ARMH4: variants seen among roughly 807,000 people sequenced by gnomAD.
The protein encoded by ARMH4 is armadillo-like helical domain-containing protein 4.
A neutral mutation model predicts 61.9 loss-of-function variants in ARMH4; 49 were observed. The observed-to-expected ratio is 0.79, with a 90% confidence interval of 0.63 to 1.00. The LOEUF (loss-of-function observed/expected upper bound fraction) is 1.00. Ranked by LOEUF, ARMH4 falls within the 50% of genes least tolerant of loss-of-function variation. ARMH4 has a pLI of 0.00. For missense variants in ARMH4, 934 were observed against 930.0 expected (o/e 1.00, Z -0.06); for synonymous variants, 368 against 341.5 (o/e 1.08, Z -0.85).
intron 5 of ARMH4, among the ~76,000 whole-genome samples, chr14:58,041,960 C>G (rs1053568899): frequency 1.3e-5 from 2 of 151,938 alleles, no homozygotes; most frequent in Non-Finnish European, 2.9e-5. Flanking sequence ...TCCTTAGAGA[C>G]CTACAAAGAG....
At chr14:58,139,873 T>C (rs1279120134) in intron 1 of ARMH4, among the ~76,000 whole-genome samples, 1 of 152,214 alleles carries the variant, frequency 6.6e-6, no homozygotes, top group African/African-American at 2.4e-5. Context: ...ATTCATGTGT[T>C]GAAACCTAAT....
chr14:58,025,722 G>A (rs1169456341), intron 5 of ARMH4, among the ~76,000 whole-genome samples: 1 of 152,096 alleles, frequency 6.6e-6, no homozygotes, highest in African/African-American at 2.4e-5. Context: ...AGAATCTTGA[G>A]TTTTTCTAGC....
chr14:58,035,885 C>T (rs1223823955), intron 5 of ARMH4, among the ~76,000 whole-genome samples: 10 of 141,128 alleles, frequency 7.1e-5, no homozygotes, highest in African/African-American at 2.6e-4. Flanking sequence ...CAATAACGGG[C>T]TCTGAAATTG....
intron 5 of ARMH4, among the ~76,000 whole-genome samples, chr14:58,052,139 G>A (rs1256079997): frequency 1.3e-5 from 2 of 151,990 alleles, no homozygotes; most frequent in African/African-American, 2.4e-5. Flanking sequence ...TCCCTCCTTC[G>A]GATTCACTTA....
At chr14:58,012,875 T>C (rs564557623) in intron 5 of ARMH4, among the ~76,000 whole-genome samples, 16 of 152,360 alleles carry the variant, frequency 1.1e-4, no homozygotes, top group South Asian at 4.1e-4. Context: ...GAAGCATCAA[T>C]TTCATTTTTG....
In ARMH4 at chr14:58,004,504, C is replaced by T. The variant is rs545492091; in HGVS notation, c.*232G>A. The stretch of plus-strand genomic sequence containing the variant: ...TTGCATATTTATGAGTTGTAGCCCA[C>T]GGTTGTGGAAAATTCACTACAGAAT... On this transcript the variant is annotated 3_prime_UTR_variant, in exon 8 of 8. Coordinates refer to ENST00000267485, the MANE Select transcript of ARMH4 (RefSeq NM_001001872.4). 105 of 384,714 alleles carry T rather than the reference C, an allele frequency of 2.7e-4. No homozygotes were observed. The East Asian group carries it at 3.2e-3, about 12-fold the overall frequency. 23.8% of individuals were successfully genotyped at this position (384,714 alleles called of 1,614,324 possible).
chr14:58,045,372 A>G (rs1478600878), intron 5 of ARMH4, among the ~76,000 whole-genome samples: 1 of 152,186 alleles, frequency 6.6e-6, no homozygotes, highest in African/African-American at 2.4e-5. Flanking sequence ...ACAAAAAACC[A>G]AACATCACAT....
chr14:58,139,220 A>ACTG lies in ARMH4; in HGVS notation c.136_138dup (p.Gln46dup). 6.2e-7 allele frequency: 1 copy of ACTG among 1,614,192 alleles called. No individual in the cohort carries two copies. Among genetic ancestry groups the ACTG allele is most frequent in the African/African-American group, 1.3e-5 (1 of 75,048 alleles). ...AGGTCATCGGTGTTCATCTTATCGG[A>ACTG]CTGCCCTTTTTCCGCATGAACATGT... On this transcript the variant is annotated inframe_insertion, in exon 2 of 8. Coordinates refer to ENST00000267485, the MANE Select transcript of ARMH4 (RefSeq NM_001001872.4).
At chr14:58,097,172 T>G (rs1022255195) in intron 4 of ARMH4, among the ~76,000 whole-genome samples, 191 bp from the exon 5 acceptor site, 2 of 152,204 alleles carry the variant, frequency 1.3e-5, no homozygotes, top group African/African-American at 4.8e-5. Flanking sequence ...AGTTTAAACT[T>G]TCAAAACCAT....
chr14:58,083,859 T>A (rs1266618888), intron 5 of ARMH4, among the ~76,000 whole-genome samples: 1 of 152,230 alleles, frequency 6.6e-6, no homozygotes, highest in Non-Finnish European at 1.5e-5. Flanking sequence ...GGTTCTTTCA[T>A]GTCTCATTTG....
chr14:58,048,629 G>A (rs1176952374), intron 5 of ARMH4, among the ~76,000 whole-genome samples: 1 of 152,018 alleles, frequency 6.6e-6, no homozygotes, highest in African/African-American at 2.4e-5. Flanking sequence ...TTCTTTGAAG[G>A]GAACAACAAC....
At chr14:58,084,192 G>C (rs1885312675) in intron 5 of ARMH4, among the ~76,000 whole-genome samples, 1 of 148,744 alleles carries the variant, frequency 6.7e-6, no homozygotes, top group Non-Finnish European at 1.5e-5. Flanking sequence ...AGAAAAGGCT[G>C]CAAGGTTCCA....
intron 6 of ARMH4, among the ~76,000 whole-genome samples, chr14:58,007,572 G>A (rs1882226244): frequency 6.6e-6 from 1 of 152,124 alleles, no homozygotes; most frequent in African/African-American, 2.4e-5. Context: ...CAAGATGGGA[G>A]CAAAGCAACG....
chr14:58,058,370 A>G (rs1884417251), intron 5 of ARMH4, among the ~76,000 whole-genome samples: 1 of 152,206 alleles, frequency 6.6e-6, no homozygotes, highest in African/African-American at 2.4e-5. Context: ...TTAAGAAAGT[A>G]AAGGAATAAA....
Position 58,117,734 on chromosome 14 carries a change from T to C in ARMH4, c.1831+13778A>G, listed in dbSNP as rs141398038. Among the ~76,000 whole-genome samples the C allele has an allele frequency of 1.3e-4, 20 of 152,222 alleles. No individual in the cohort carries two copies. In the East Asian group the frequency reaches 3.7e-3, roughly 28 times the overall value. ...CTCCAATCCAATTTTCATTAAGTTA[T>C]GTCGTGTATATGTTTCAAATGAGTA... On this transcript the variant is annotated intron_variant, in intron 4 of 7. Transcript: ENST00000267485.
At chr14:58,063,332 T>G (rs1353393907) in intron 5 of ARMH4, among the ~76,000 whole-genome samples, 1 of 152,218 alleles carries the variant, frequency 6.6e-6, no homozygotes, top group Admixed American at 6.5e-5. Context: ...TGATTAAATA[T>G]ATGAAGACTT....
chr14:58,005,404 G>GA (rs941981044), intron 6 of ARMH4, among the ~76,000 whole-genome samples: 1 of 152,178 alleles, frequency 6.6e-6, no homozygotes, highest in African/African-American at 2.4e-5. Context: ...TAGAAGTATT[G>GA]AAATAAATCA....
At chr14:58,130,512 T>A (rs1887056786) in intron 4 of ARMH4, among the ~76,000 whole-genome samples, 1 of 152,238 alleles carries the variant, frequency 6.6e-6, no homozygotes, top group African/African-American at 2.4e-5. Flanking sequence ...TTTAAGAAAT[T>A]CTGCACTATA....
intron 1 of ARMH4, among the ~76,000 whole-genome samples, chr14:58,147,318 T>G (rs1437665843): frequency 5.8e-5 from 2 of 34,280 alleles, no homozygotes; most frequent in South Asian, 7.0e-4. Flanking sequence ...TCCAGATGGT[T>G]TTTTTTTTTT....
Sources: gnomAD v4.1 joint callset for allele counts (sites outside exome capture counted in the v4.1 genomes callset) on GRCh38, gnomAD v4.1.1 for gene constraint, MANE v1.5 for transcripts, NCBI Gene and HGNC (gene_info 2026-07-23, HGNC 2026-07-21) for gene names.